The following GPR19 variants were observed in gnomAD, a reference collection of about 807,000 sequenced individuals.
The protein encoded by GPR19 is G protein-coupled receptor 19, also known as probable G protein-coupled receptor 19.
A neutral mutation model predicts 28.5 loss-of-function variants in GPR19; 14 were observed. The ratio of observed to expected loss-of-function variants is 0.49; its 90% CI spans 0.32 to 0.77. GPR19 has a LOEUF of 0.77. Ranked by LOEUF, GPR19 falls within the 30% of genes least tolerant of loss-of-function variation. GPR19 has a pLI of 0.03. For missense variants in GPR19, 409 were observed against 504.1 expected, an observed-to-expected ratio of 0.81 and a Z score of 1.81; for synonymous variants, 173 against 184.1, an observed-to-expected ratio of 0.94 and a Z score of 0.49.
Position 12,683,222 on chromosome 12 carries a change from C to T in GPR19, c.-23+1129G>A, listed in dbSNP as rs545343102. Among the ~76,000 whole-genome samples the T allele has an allele frequency of 2.4e-4, 36 of 152,196 alleles. 1 individual carries two copies. In the East Asian group the frequency reaches 4.8e-3, roughly 20 times the overall value. On this transcript the variant is annotated intron_variant, in intron 3 of 3. Transcript: ENST00000651487. ...TCTATACAGCACAAGGGAAACAGAA[C>T]GGCAATTACTTACTGGGTTACTTGG...
intron 3 of GPR19, among the ~76,000 whole-genome samples, chr12:12,675,751 T>C (rs111648492): frequency 0.082 from 12,414 of 152,054 alleles, 591 homozygotes; most frequent in South Asian, 0.13. Context: ...ATCAAGGAAA[T>C]AGGATCTTAG....
chr12:12,703,515 A>G, the GPR19 span: 23 of 657,062 alleles, frequency 3.5e-5, no homozygotes, highest in Non-Finnish European at 4.0e-5. Context: ...ATAGAAGCCT[A>G]TGGCCCCTCG....
chr12:12,676,953 A>G (rs1273739039), intron 3 of GPR19, among the ~76,000 whole-genome samples: 2 of 152,216 alleles, frequency 1.3e-5, no homozygotes, highest in Admixed American at 6.5e-5. Context: ...CAAAGACTAG[A>G]CTTACTAAAG....
At chr12:12,667,821 C>G (rs1026367341) in intron 3 of GPR19, among the ~76,000 whole-genome samples, 4 of 152,002 alleles carry the variant, frequency 2.6e-5, no homozygotes, top group African/African-American at 9.7e-5. Context: ...TTTGTCTCCC[C>G]CATTAGGTTA....
upstream of GPR19, among the ~76,000 whole-genome samples, chr12:12,697,175 A>AAAAAAAAAAAAAAAAAAAAAC (rs1946278938): frequency 6.7e-6 from 1 of 149,928 alleles, no homozygotes; most frequent in Non-Finnish European, 1.5e-5. Context: ...AAAAAAAAAA[A>AAAAAAAAAAAAAAAAAAAAAC]AAGCAGCCAT....
At chr12:12,683,308 GT>G (rs1258803539) in intron 3 of GPR19, among the ~76,000 whole-genome samples, 1 of 152,216 alleles carries the variant, frequency 6.6e-6, no homozygotes. Context: ...TTGGGGATCT[GT>G]TTTAGCAAAG....
chr12:12,712,201 G>A, the GPR19 span, among the ~76,000 whole-genome samples: 1 of 152,228 alleles, frequency 6.6e-6, no homozygotes, highest in Non-Finnish European at 1.5e-5. Flanking sequence ...CCTGGGCTCA[G>A]GGTTCTCTGT....
intron 3 of GPR19, among the ~76,000 whole-genome samples, chr12:12,672,063 G>C (rs1461056347): frequency 1.3e-5 from 2 of 152,170 alleles, no homozygotes; most frequent in Non-Finnish European, 2.9e-5. Context: ...AGTTGAAGAA[G>C]ATAAACTTCA....
chr12:12,679,089 G>A (rs1945982181), intron 3 of GPR19, among the ~76,000 whole-genome samples: 1 of 152,140 alleles, frequency 6.6e-6, no homozygotes, highest in Non-Finnish European at 1.5e-5. Flanking sequence ...GAACCACCGT[G>A]TCTGGCTCTT....
the GPR19 span, among the ~76,000 whole-genome samples, chr12:12,704,276 C>T: frequency 7.2e-5 from 11 of 152,180 alleles, no homozygotes; most frequent in South Asian, 2.1e-4. Context: ...CTGAGATGGG[C>T]GGATCACTTG....
the GPR19 span, chr12:12,703,468 A>T: frequency 1.0e-6 from 1 of 967,722 alleles, no homozygotes; most frequent in Non-Finnish European, 1.2e-6. Flanking sequence ...TGGTAATCAA[A>T]GATTCCCAAG....
At chr12:12,713,961 T>C in the GPR19 span, among the ~76,000 whole-genome samples, 1 of 152,232 alleles carries the variant, frequency 6.6e-6, no homozygotes, top group Non-Finnish European at 1.5e-5. Flanking sequence ...TAGTATGTAC[T>C]TCTTTCATGT....
intron 3 of GPR19, among the ~76,000 whole-genome samples, chr12:12,680,593 A>C (rs963729256): frequency 2.6e-5 from 4 of 152,026 alleles, no homozygotes; most frequent in South Asian, 2.1e-4. Flanking sequence ...TGCACCCTCA[A>C]CCTCCCAGGC....
the GPR19 span, among the ~76,000 whole-genome samples, chr12:12,707,859 C>T: frequency 2.2e-4 from 33 of 151,974 alleles, no homozygotes; most frequent in East Asian, 6.0e-3. Context: ...GCTGGCATTA[C>T]AGGCATGAGT....
chr12:12,688,067 A>C (rs552579549), intron 2 of GPR19, among the ~76,000 whole-genome samples: 46 of 152,364 alleles, frequency 3.0e-4, no homozygotes, highest in African/African-American at 1.1e-3. Flanking sequence ...ACTCAGGAAA[A>C]GATCACAAAA....
chr12:12,673,275 TAAAAG>T (rs1566145229), intron 3 of GPR19, among the ~76,000 whole-genome samples: 1 of 152,196 alleles, frequency 6.6e-6, no homozygotes, highest in Non-Finnish European at 1.5e-5. Context: ...TCTTCCTTGA[TAAAAG>T]GAAAGAGGTG....
intron 2 of GPR19, among the ~76,000 whole-genome samples, chr12:12,692,259 C>T (rs1946192246): frequency 6.6e-6 from 1 of 152,192 alleles, no homozygotes; most frequent in South Asian, 2.1e-4. Flanking sequence ...TCAACTATAG[C>T]TCCTTTGACC....
chr12:12,709,505 A>G, the GPR19 span, among the ~76,000 whole-genome samples: 1 of 152,212 alleles, frequency 6.6e-6, no homozygotes, highest in Non-Finnish European at 1.5e-5. Flanking sequence ...CAGTGGCATG[A>G]ACAGGGCTCA....
chr12:12,711,080 GA>G, the GPR19 span, among the ~76,000 whole-genome samples: 2 of 151,998 alleles, frequency 1.3e-5, no homozygotes, highest in Non-Finnish European at 2.9e-5. Flanking sequence ...GAGGCAGGCA[GA>G]TCAGGATATT....
Sources: allele counts gnomAD v4.1 joint callset (sites outside exome capture counted in the v4.1 genomes callset), GRCh38; gene constraint gnomAD v4.1.1; transcripts MANE v1.5; gene names NCBI Gene and HGNC (gene_info 2026-07-23, HGNC 2026-07-21).